The following DDX4 variants were observed in gnomAD, a reference collection of about 807,000 sequenced individuals.
The protein encoded by DDX4 is DEAD-box helicase 4.
Under a neutral mutation model 100.0 loss-of-function variants are expected in DDX4, and 25 were observed. The observed-to-expected ratio is 0.25, with a 90% CI of 0.18 to 0.35. The LOEUF (loss-of-function observed/expected upper bound fraction) is 0.35. Ranked by LOEUF, DDX4 falls within the 10% of genes least tolerant of loss-of-function variation. The pLI is 1.00. For synonymous variants in DDX4, 259 were observed against 275.7 expected (o/e 0.94, Z 0.60); for missense variants, 635 against 882.4 (o/e 0.72, Z 3.55).
chr5:55,738,714 A>G (rs1168366727), intron 1 of DDX4, among the ~76,000 whole-genome samples: 2 of 152,176 alleles, frequency 1.3e-5, no homozygotes, highest in East Asian at 3.8e-4. Flanking sequence ...GGACATGGCG[A>G]TTGCTAGAAT....
At chr5:55,744,160 A>T (rs1377859006) in intron 2 of DDX4, among the ~76,000 whole-genome samples, 1 of 152,152 alleles carries the variant, frequency 6.6e-6, no homozygotes, top group Non-Finnish European at 1.5e-5. Context: ...TGAGCTTTTT[A>T]AAAGTAGTTT....
intron 9 of DDX4, 139 bp from the exon 10 acceptor site, chr5:55,781,795 T>A: frequency 3.9e-6 from 3 of 778,132 alleles, no homozygotes; most frequent in Non-Finnish European, 5.8e-6. Context: ...AAAAGTTAAA[T>A]CTAAAATTAA....
intron 4 of DDX4, among the ~76,000 whole-genome samples, chr5:55,761,456 T>A (rs1236186114): frequency 6.6e-6 from 1 of 152,098 alleles, no homozygotes; most frequent in Admixed American, 6.6e-5. Flanking sequence ...TATTTTCATG[T>A]TTTAGGTTGA....
intron 8 of DDX4, 102 bp from the exon 9 acceptor site, chr5:55,780,964 C>G: frequency 2.0e-6 from 2 of 976,412 alleles, no homozygotes; most frequent in Non-Finnish European, 3.0e-6. Context: ...TACCCTGCAT[C>G]TTTTAACTTC....
At chr5:55,803,126 G>C (rs964353934) in intron 18 of DDX4, among the ~76,000 whole-genome samples, 2 of 141,576 alleles carry the variant, frequency 1.4e-5, no homozygotes, top group African/African-American at 2.7e-5. Flanking sequence ...AGGCCCCAGT[G>C]TGTGATGTCC....
At position 55,815,381 on chromosome 5, in the gene DDX4, T is replaced by A. The variant is rs1246800665; in HGVS notation, c.2055T>A (p.Gly685=). The A allele has an allele frequency of 1.2e-6, 2 of 1,613,826 alleles. No homozygotes were observed. Among genetic ancestry groups the A allele is most frequent in the Non-Finnish European group, 1.7e-6 (2 of 1,179,946 alleles). Reference sequence around the variant, plus strand: ...GTACATACATTCCTGGCTTCAGTGGTAGTACAAGAGGAAACGTGTTTGCAT... The same window carrying A: ...GTACATACATTCCTGGCTTCAGTGGAAGTACAAGAGGAAACGTGTTTGCAT... ...AFSTYIPGFS[G]STRGNVFASV... Residue 685 remains glycine, a synonymous_variant, in exon 21 of 22, where the codon GGT becomes GGA. Transcript: ENST00000505374.
intron 18 of DDX4, among the ~76,000 whole-genome samples, chr5:55,808,351 TGCTGGTGAGGA>T (rs1176903527): frequency 6.6e-6 from 1 of 152,256 alleles, no homozygotes; most frequent in Non-Finnish European, 1.5e-5. Context: ...TTTGTTCCAT[TGCTGGTGAGGA>T]GCTGCGTTCC....
rs777754569 is a variant in DDX4 at position 55,785,719 on chromosome 5, A to G, written c.722-10A>G. The G allele has an allele frequency of 6.2e-7, 1 of 1,605,882 alleles. No individual in the cohort carries two copies. The highest frequency in any genetic ancestry group is 2.2e-5 in the East Asian group (1 of 44,814). ...GTAACGTACATTATGTTTTTAATTT[A>G]AATTCCAAGGACCAAAAGTGACCTA... On this transcript the variant is annotated splice_polypyrimidine_tract_variant and intron_variant, in intron 12 of 21. Transcript: ENST00000505374.
Position 55,816,664 on chromosome 5 carries a change from TAC to T in DDX4, c.*127_*128del. 1.4e-6 allele frequency: 2 copies of T among 1,441,786 alleles called. No homozygotes were observed. The highest frequency in any genetic ancestry group is 1.4e-5 in the African/African-American group (1 of 69,380). The allele number at this position is 1,441,786 out of a possible 1,614,324, so 89.3% of individuals were successfully genotyped here. On this transcript the variant is annotated 3_prime_UTR_variant, in exon 22 of 22. Transcript: ENST00000505374. ...GCTCCTGTCCTTGTATTCTCACTCC[TAC>T]ACTTAAAAAAAAAATCCTTACTGAC...
chr5:55,775,435 A>G (rs1198036571), intron 7 of DDX4, among the ~76,000 whole-genome samples: 1 of 152,182 alleles, frequency 6.6e-6, no homozygotes, highest in Non-Finnish European at 1.5e-5. Context: ...TTAAAAGAAA[A>G]AATTCCCTGG....
chr5:55,812,744 C>T (rs934706924), intron 18 of DDX4, among the ~76,000 whole-genome samples: 1 of 152,126 alleles, frequency 6.6e-6, no homozygotes, highest in Non-Finnish European at 1.5e-5. Context: ...TCTAATAAGC[C>T]TGTCTTAAAG....
chr5:55,793,002 A>G (rs1012786110), intron 17 of DDX4, among the ~76,000 whole-genome samples, 195 bp downstream of exon 17: 1 of 150,388 alleles, frequency 6.6e-6, no homozygotes, highest in Non-Finnish European at 1.5e-5. Context: ...GCTTTGTGTT[A>G]ACATCACATT....
chr5:55,754,039 C>G (rs1177638462), intron 3 of DDX4, among the ~76,000 whole-genome samples: 3 of 135,296 alleles, frequency 2.2e-5, no homozygotes, highest in Non-Finnish European at 4.8e-5. Flanking sequence ...TGAGACTTTG[C>G]TGAAGTTGCT....
intron 4 of DDX4, among the ~76,000 whole-genome samples, chr5:55,762,249 G>C (rs958721421): frequency 6.6e-6 from 1 of 151,976 alleles, no homozygotes; most frequent in African/African-American, 2.4e-5. Flanking sequence ...ATCATTTTAT[G>C]CTGTTTTGGA....
intron 13 of DDX4, 97 bp downstream of exon 13, chr5:55,785,968 C>CA (rs1160272049): frequency 1.3e-6 from 1 of 797,612 alleles, no homozygotes; most frequent in Non-Finnish European, 2.0e-6. Context: ...ACATAGATTT[C>CA]ACCTTTCGTA....
intron 6 of DDX4, chr5:55,766,955 C>A: frequency 6.6e-7 from 1 of 1,523,288 alleles, no homozygotes; most frequent in Non-Finnish European, 8.8e-7. Context: ...TTATTTTTAA[C>A]CAACTCTCCA....
intron 6 of DDX4, chr5:55,766,999 T>G: frequency 6.6e-7 from 1 of 1,525,448 alleles, no homozygotes; most frequent in African/African-American, 1.4e-5. Context: ...TATAGTAATC[T>G]CTCATACTAC....
rs1475215842 is a variant in DDX4 at position 55,813,729 on chromosome 5, A to G, written c.1672A>G (p.Thr558Ala). ...ETKKKADFIA[T>A]FLCQEKISTT... Reference sequence around the variant, plus strand: ...TAAGAAAAAAGCAGATTTTATTGCAACTTTTCTTTGTCAAGAAAAAATATC... The same window carrying G: ...TAAGAAAAAAGCAGATTTTATTGCAGCTTTTCTTTGTCAAGAAAAAATATC... The change falls in exon 19 of 22, where the codon ACT becomes GCT. Residue 558 changes from threonine (T) to alanine (A), a missense_variant. Physicochemically the swap from Thr to Ala is moderately conservative, Grantham distance 58 (BLOSUM62 0). This residue lies in a region of DDX4 where 115 missense variants were observed against 224.7 expected (regional missense o/e 0.51). Transcript: ENST00000505374. 3 of 1,600,890 alleles carry G rather than the reference A, an allele frequency of 1.9e-6. No individual in the cohort carries two copies. The highest frequency in any genetic ancestry group is 1.3e-5 in the African/African-American group (1 of 74,418).
chr5:55,763,867 G>T (rs1740722992), intron 5 of DDX4, 147 bp from the exon 6 acceptor site: 1 of 593,524 alleles, frequency 1.7e-6, no homozygotes, highest in South Asian at 2.1e-5. Flanking sequence ...AGAAATTGTT[G>T]TACAGCCTGA....
Sources: gnomAD v4.1 joint callset for allele counts (sites outside exome capture counted in the v4.1 genomes callset) on GRCh38, gnomAD v4.1.1 for gene constraint, gnomAD v4.1.1 regional missense constraint, MANE v1.5 for transcripts, NCBI Gene and HGNC (gene_info 2026-07-23, HGNC 2026-07-21) for gene names.